Variants in OGFOD3 observed in about 807,000 individuals in gnomAD.
OGFOD3 encodes the protein 2-oxoglutarate and iron-dependent oxygenase domain-containing protein 3.
OGFOD3 carries 35 observed loss-of-function variants against 39.8 expected under a neutral mutation model. The observed-to-expected ratio is 0.88, with a 90% CI of 0.67 to 1.17. OGFOD3 has a LOEUF of 1.17. OGFOD3 is among the 50% of genes most tolerant of loss of function. The pLI is 0.00. For synonymous variants in OGFOD3, 200 were observed against 192.0 expected, an observed-to-expected ratio of 1.04 and a Z score of -0.34; for missense variants, 438 against 454.5, an observed-to-expected ratio of 0.96 and a Z score of 0.33.
chr17:82,397,167 A>C (rs2052685665), intron 8 of OGFOD3, among the ~76,000 whole-genome samples: 1 of 152,044 alleles, frequency 6.6e-6, no homozygotes, highest in East Asian at 1.9e-4. Context: ...AATAACAGGA[A>C]TCTCAAAATA....
intron 8 of OGFOD3, chr17:82,396,537 C>CA (rs1370863911): frequency 6.6e-6 from 1 of 152,232 alleles, no homozygotes; most frequent in Non-Finnish European, 1.5e-5. Flanking sequence ...TACAATTAGA[C>CA]AGACACATGC....
Position 82,415,564 on chromosome 17 carries a change from G to C in OGFOD3, c.138C>G (p.Thr46=). The C allele has an allele frequency of 1.2e-6, 2 of 1,613,410 alleles. No individual in the cohort carries two copies. The highest frequency in any genetic ancestry group is 1.7e-6 in the Non-Finnish European group (2 of 1,179,932). The change falls in exon 2 of 9, where the codon ACC becomes ACG. Residue 46 remains threonine (T), a synonymous_variant. Transcript: ENST00000313056. The surrounding 1 kb of genome is among the most constrained non-coding windows in gnomAD (Gnocchi z 5.3). ...GCACAAAGCCAGCCCCCAGGCCCGC[G>C]GTCCTTAGCCACGGCCTCTGCCACA... ...QRLWQRPWLR[T]AGLGAGFVLT...
At chr17:82,411,919 AGAGGAAAACCCTCCTGAGACCACCAGG>A (rs1201200452) in intron 2 of OGFOD3, among the ~76,000 whole-genome samples, 2 of 152,084 alleles carry the variant, frequency 1.3e-5, no homozygotes, top group African/African-American at 4.8e-5. Context: ...AGACCGCCAG[AGAGGAAAACCCTCCTGAGACCACCAGG>A]GAGGAAAACC....
At chr17:82,405,029 C>T (rs1432434280) in intron 6 of OGFOD3, among the ~76,000 whole-genome samples, 4 of 152,080 alleles carry the variant, frequency 2.6e-5, no homozygotes, top group Admixed American at 1.3e-4. Context: ...CATGAGACAC[C>T]GCACCCAGCC....
intron 7 of OGFOD3, among the ~76,000 whole-genome samples, chr17:82,403,558 G>A (rs2052799723): frequency 6.6e-6 from 1 of 152,162 alleles, no homozygotes; most frequent in Non-Finnish European, 1.5e-5. Context: ...CCTGAACCCG[G>A]GAGGCAGAGG....
At position 82,404,104 on chromosome 17, in the gene OGFOD3, A is replaced by C. The variant is rs1267522614; in HGVS notation, c.546-14T>G. 1 of 1,570,014 alleles carries C rather than the reference A, an allele frequency of 6.4e-7. No homozygotes were observed. Among genetic ancestry groups the C allele is most frequent in the Non-Finnish European group, 8.7e-7 (1 of 1,155,064 alleles). The stretch of plus-strand genomic sequence containing the variant: ...TGCCGCACCTCCCTGCAGAGGACAC[A>C]ATAGCCGTCAGCGCAGCCCCAGGCG... On this transcript the variant is annotated splice_polypyrimidine_tract_variant and intron_variant, in intron 6 of 8. Transcript: ENST00000313056. The surrounding 1 kb of genome is among the most constrained non-coding windows in gnomAD (Gnocchi z 4.5).
At chr17:82,417,939 A>G (rs1424545402) in intron 1 of OGFOD3, among the ~76,000 whole-genome samples, 2 of 152,252 alleles carry the variant, frequency 1.3e-5, no homozygotes, top group Non-Finnish European at 2.9e-5. Flanking sequence ...GATCACCCGT[A>G]ACATTTTAAA....
At chr17:82,411,419 G>C (rs749307345) in intron 3 of OGFOD3, 36 bp downstream of exon 3, 17 of 1,595,250 alleles carry the variant, frequency 1.1e-5, no homozygotes, top group Non-Finnish European at 1.4e-5. Flanking sequence ...GCGTGTGTTT[G>C]TTTGAATCCC....
rs4789769 is a variant in OGFOD3, at chr17:82,415,576, C to T, written c.126G>A (p.Pro42=). ...CCCCCAGGCCCGCGGTCCTTAGCCA[C>T]GGCCTCTGCCACAGCCTCTGCACCT... ...PREVQRLWQR[P]WLRTAGLGAG... is the part of the protein sequence containing the mutation. The change falls in exon 2 of 9, where the codon CCG becomes CCA. Residue 42 remains proline (P), a synonymous_variant. Coordinates refer to ENST00000313056, the MANE Select transcript of OGFOD3 (RefSeq NM_024648.3). The surrounding 1 kb of genome is among the most constrained non-coding windows in gnomAD (Gnocchi z 5.3). 0.24 allele frequency: 381,604 copies of T among 1,613,084 alleles called. 51,216 individuals are homozygous for T. Among genetic ancestry groups the T allele is most frequent in the East Asian group, 0.71 (31,977 of 44,852 alleles).
chr17:82,407,450 C>T (rs2052873287), intron 4 of OGFOD3, among the ~76,000 whole-genome samples: 1 of 152,220 alleles, frequency 6.6e-6, no homozygotes, highest in Non-Finnish European at 1.5e-5. Context: ...GGTGCTCCCA[C>T]CTTGGCCTCC....
chr17:82,415,599 C>T lies in OGFOD3; in HGVS notation c.103G>A (p.Val35Met). ...CACGGCCTCTGCCACAGCCTCTGCA[C>T]CTCCCGCGGGGCTCGGTCCTTCTTG... is the stretch of plus-strand genomic sequence containing the variant. Reference protein sequence around the residue: ...STKKDRAPREVQRLWQRPWLR... With the variant: ...STKKDRAPREMQRLWQRPWLR... Residue 35 changes from valine to methionine, a missense_variant, in exon 2 of 9, where the codon GTG (valine) becomes ATG (methionine). Physicochemically the swap from Val to Met is conservative, Grantham distance 21 (BLOSUM62 1). Transcript: ENST00000313056. This position sits in a 1 kb window ranked among gnomAD's most constrained non-coding sequence, Gnocchi z 5.3. The T allele has an allele frequency of 1.2e-6, 2 of 1,612,958 alleles. No individual in the cohort carries two copies. The highest frequency in any genetic ancestry group is 8.5e-7 in the Non-Finnish European group (1 of 1,179,486).
chr17:82,409,967 C>T (rs530852106), intron 3 of OGFOD3, among the ~76,000 whole-genome samples: 2 of 152,274 alleles, frequency 1.3e-5, no homozygotes, highest in East Asian at 3.9e-4. Context: ...TCTTCAATAT[C>T]GAAAGCCACC....
chr17:82,398,212 C>T lies in OGFOD3; in HGVS notation c.807G>A (p.Thr269=), dbSNP rs766850800. 32 of 1,613,980 alleles carry T rather than the reference C, an allele frequency of 2.0e-5. No homozygotes were observed. Among genetic ancestry groups the T allele is most frequent in the African/African-American group, 6.7e-5 (5 of 74,914 alleles). The change falls in exon 8 of 9, where the codon ACG becomes ACA. Residue 269 remains threonine, a synonymous_variant. Transcript: ENST00000313056. ...FMFMEEGANK[T]VEPRAGRVSF... ...GCCTCCTACCAGCTCTCGGCTCCACCGTCTTGTTGGCACCCTCCTCCATGA... is the reference window on the plus strand; with the variant it reads ...GCCTCCTACCAGCTCTCGGCTCCACTGTCTTGTTGGCACCCTCCTCCATGA...
In OGFOD3 at chr17:82,392,047, G is replaced by A; in HGVS notation, c.*351C>T. 1 of 270,114 alleles carries A rather than the reference G, an allele frequency of 3.7e-6. No homozygotes were observed. Among genetic ancestry groups the A allele is most frequent in the South Asian group, 6.4e-5 (1 of 15,736 alleles). 16.7% of individuals were successfully genotyped at this position (270,114 alleles called of 1,614,324 possible). On this transcript the variant is annotated 3_prime_UTR_variant, in exon 9 of 9. Coordinates refer to ENST00000313056, the MANE Select transcript of OGFOD3 (RefSeq NM_024648.3). This position sits in a 1 kb window ranked among gnomAD's most constrained non-coding sequence, Gnocchi z 4.2. ...GCTGATGCTTTAGCCAGTCTTTGAT[G>A]GGCCGGGGGGTTGCTGAACCTGGAC... is the stretch of plus-strand genomic sequence containing the variant.
At chr17:82,401,914 C>CGG (rs1567868823) in intron 7 of OGFOD3, among the ~76,000 whole-genome samples, 1 of 151,816 alleles carries the variant, frequency 6.6e-6, no homozygotes, top group Admixed American at 6.6e-5. Context: ...TCTGTCACAG[C>CGG]GGGCATGGTG....
Position 82,404,205 on chromosome 17 carries a change from G to T in OGFOD3, c.546-115C>A. 2 of 1,226,556 alleles carry T rather than the reference G, an allele frequency of 1.6e-6. No individual in the cohort carries two copies. Among genetic ancestry groups the T allele is most frequent in the Non-Finnish European group, 2.2e-6 (2 of 908,496 alleles). 76.0% of individuals were successfully genotyped at this position (1,226,556 alleles called of 1,614,324 possible). A position where few individuals can be genotyped will look rare whatever the true frequency, so the allele number is the denominator to read the frequency against. On this transcript the variant is annotated intron_variant, in intron 6 of 8. Coordinates refer to ENST00000313056, the MANE Select transcript of OGFOD3 (RefSeq NM_024648.3). This position sits in a 1 kb window ranked among gnomAD's most constrained non-coding sequence, Gnocchi z 4.5. ...CCTTCGTACGGCTCCGGGCCCGCGG[G>T]GCGGGGGCTCCCAAGCACACCGGGA...
At chr17:82,396,139 C>T (rs944149334) in intron 8 of OGFOD3, among the ~76,000 whole-genome samples, 4 of 151,828 alleles carry the variant, frequency 2.6e-5, no homozygotes, top group African/African-American at 4.8e-5. Flanking sequence ...CACATAGATA[C>T]AATTAGACAG....
At chr17:82,402,368 G>A (rs1225842635) in intron 7 of OGFOD3, among the ~76,000 whole-genome samples, 1 of 151,684 alleles carries the variant, frequency 6.6e-6, no homozygotes, top group Non-Finnish European at 1.5e-5. Context: ...CCAGGAGGCG[G>A]AGGTTGTAGT....
At chr17:82,412,200 CTG>C (rs1450059898) in intron 2 of OGFOD3, among the ~76,000 whole-genome samples, 2 of 152,206 alleles carry the variant, frequency 1.3e-5, no homozygotes, top group Admixed American at 1.3e-4. Context: ...GCACATGCCC[CTG>C]TCTCTCCCCG....
Sources: allele counts gnomAD v4.1 joint callset (sites outside exome capture counted in the v4.1 genomes callset), GRCh38; gene constraint gnomAD v4.1.1; non-coding constraint Gnocchi (gnomAD v3.1); transcripts MANE v1.5; gene names NCBI Gene and HGNC (gene_info 2026-07-23, HGNC 2026-07-21).